Variants in WWOX observed in about 807,000 individuals in gnomAD.
The protein encoded by WWOX is WW domain containing oxidoreductase.
In WWOX, 69 loss-of-function variants were observed where a neutral mutation model predicts 46.2. That is an observed-to-expected ratio of 1.49 (90% CI 1.23 to 1.82). The LOEUF (loss-of-function observed/expected upper bound fraction) is 1.82, where lower values mean the gene tolerates loss of function less well. Ranked by LOEUF, WWOX falls within the 40% of genes most tolerant of loss-of-function variation. WWOX has a pLI of 0.00. For missense variants in WWOX, 919 were observed against 542.6 expected, an observed-to-expected ratio of 1.69 and a Z score of -6.89; for synonymous variants, 359 against 202.6, an observed-to-expected ratio of 1.77 and a Z score of -6.56.
chr16:79,085,030 A>G lies in WWOX; in HGVS notation c.1057-126578A>G, dbSNP rs144585793. Among the ~76,000 whole-genome samples, 235 of 151,880 alleles carry G rather than the reference A, an allele frequency of 1.5e-3. 1 individual carries two copies. The highest frequency in any genetic ancestry group is 2.4e-3 in the Non-Finnish European group (163 of 67,944). Reference sequence around the variant, plus strand: ...AGCCTTGAACTACTAGGCTTAAGCAATCCTCCCGCCTCAGCCTCCCAAAGT... The same window carrying G: ...AGCCTTGAACTACTAGGCTTAAGCAGTCCTCCCGCCTCAGCCTCCCAAAGT... On this transcript the variant is annotated intron_variant, in intron 8 of 8. Coordinates refer to ENST00000566780, the MANE Select transcript of WWOX (RefSeq NM_016373.4).
At chr16:78,653,741 G>A (rs1049876827) in intron 8 of WWOX, among the ~76,000 whole-genome samples, 7 of 152,176 alleles carry the variant, frequency 4.6e-5, no homozygotes, top group African/African-American at 1.7e-4. Flanking sequence ...CTCCTAACCC[G>A]AACCTCCACT....
chr16:78,105,333 G>C (rs2151661126), intron 1 of WWOX, among the ~76,000 whole-genome samples: 1 of 152,218 alleles, frequency 6.6e-6, no homozygotes, highest in South Asian at 2.1e-4. Context: ...ATGGTGGCAG[G>C]TGCCTGTAAT....
At chr16:78,609,992 C>G (rs778883754) in intron 8 of WWOX, among the ~76,000 whole-genome samples, 1 of 121,610 alleles carries the variant, frequency 8.2e-6, no homozygotes, top group Non-Finnish European at 1.6e-5. Flanking sequence ...GTAACAGTGA[C>G]GCAAACGACC....
At chr16:78,911,647 C>G (rs758579745) in intron 8 of WWOX, among the ~76,000 whole-genome samples, 14 of 151,998 alleles carry the variant, frequency 9.2e-5, no homozygotes, top group Admixed American at 7.9e-4. Flanking sequence ...AGGCAGATCA[C>G]TTGAAGTCAG....
intron 8 of WWOX, chr16:78,534,409 T>C (rs577333613): frequency 1.3e-5 from 2 of 152,336 alleles, no homozygotes; most frequent in African/African-American, 2.4e-5. Flanking sequence ...CTGAAAACCA[T>C]TGAGAGGCTC....
At chr16:78,682,659 G>C (rs2047757381) in intron 8 of WWOX, among the ~76,000 whole-genome samples, 1 of 152,160 alleles carries the variant, frequency 6.6e-6, no homozygotes. Context: ...CAGAAGGATT[G>C]CTTGAGAAGT....
intron 8 of WWOX, among the ~76,000 whole-genome samples, chr16:79,115,276 C>G (rs1015789865): frequency 1.3e-5 from 2 of 152,174 alleles, no homozygotes; most frequent in African/African-American, 4.8e-5. Context: ...ATGCATGTAG[C>G]CTGTCTCATA....
intron 5 of WWOX, among the ~76,000 whole-genome samples, chr16:78,282,247 C>A (rs922450564): frequency 6.6e-6 from 1 of 152,178 alleles, no homozygotes; most frequent in Non-Finnish European, 1.5e-5. Context: ...ACATTCTGGA[C>A]ACACAAATCT....
chr16:78,820,887 A>T (rs1180905520), intron 8 of WWOX, among the ~76,000 whole-genome samples: 1 of 152,020 alleles, frequency 6.6e-6, no homozygotes, highest in Non-Finnish European at 1.5e-5. Context: ...TGGCTTGGAA[A>T]CACCACATTC....
chr16:78,100,564 A>G (rs1033755342), intron 1 of WWOX, among the ~76,000 whole-genome samples: 12 of 152,204 alleles, frequency 7.9e-5, no homozygotes, highest in African/African-American at 2.9e-4. Context: ...AGTATTTTTT[A>G]GTAGCAGTCC....
intron 8 of WWOX, among the ~76,000 whole-genome samples, chr16:79,000,639 G>C (rs370123534): frequency 6.6e-6 from 1 of 152,152 alleles, no homozygotes; most frequent in Non-Finnish European, 1.5e-5. Context: ...TTCCAGAAAG[G>C]CACGAAGCCC....
intron 8 of WWOX, among the ~76,000 whole-genome samples, chr16:78,713,698 C>T (rs576483703): frequency 1.3e-5 from 2 of 152,274 alleles, no homozygotes; most frequent in African/African-American, 4.8e-5. Flanking sequence ...CAAGGGGCCT[C>T]CGGAGAAGCC....
chr16:78,843,051 A>G (rs1238786076), intron 8 of WWOX, among the ~76,000 whole-genome samples: 1 of 150,046 alleles, frequency 6.7e-6, no homozygotes, highest in East Asian at 2.0e-4. Flanking sequence ...CAAACATTGC[A>G]CTAATGTTTG....
intron 8 of WWOX, among the ~76,000 whole-genome samples, chr16:78,933,999 C>T (rs992020948): frequency 2.0e-5 from 3 of 151,610 alleles, no homozygotes; most frequent in African/African-American, 7.3e-5. Flanking sequence ...TGGGGCTAGC[C>T]GAGGCAACAC....
At chr16:78,600,925 G>T (rs1165011379) in intron 8 of WWOX, among the ~76,000 whole-genome samples, 1 of 152,164 alleles carries the variant, frequency 6.6e-6, no homozygotes, top group Non-Finnish European at 1.5e-5. Context: ...TCTCTGCAGG[G>T]CATCTGTAGC....
chr16:78,137,474 G>A (rs1020689323), intron 4 of WWOX, among the ~76,000 whole-genome samples: 3 of 152,136 alleles, frequency 2.0e-5, no homozygotes, highest in African/African-American at 2.4e-5. Context: ...GTGTCTGACC[G>A]CTTGTGTTAG....
chr16:78,506,243 TCTC>T (rs1162284331), intron 8 of WWOX, among the ~76,000 whole-genome samples: 1 of 152,152 alleles, frequency 6.6e-6, no homozygotes, highest in Non-Finnish European at 1.5e-5. Context: ...CAGGCTGTGT[TCTC>T]CTGGCCAAGA....
At chr16:79,095,619 G>C (rs561820062) in intron 8 of WWOX, among the ~76,000 whole-genome samples, 88 of 152,216 alleles carry the variant, frequency 5.8e-4, no homozygotes, top group African/African-American at 2.1e-3. Context: ...AGCGGAAGTC[G>C]ATCTTCTTGG....
At chr16:78,417,508 C>T (rs1257449507) in intron 6 of WWOX, among the ~76,000 whole-genome samples, 1 of 151,878 alleles carries the variant, frequency 6.6e-6, no homozygotes, top group Non-Finnish European at 1.5e-5. Context: ...ATAGTTAGTA[C>T]TCAAAAAAGG....
Sources: allele counts gnomAD v4.1 joint callset (sites outside exome capture counted in the v4.1 genomes callset), GRCh38; gene constraint gnomAD v4.1.1; transcripts MANE v1.5; gene names NCBI Gene and HGNC (gene_info 2026-07-23, HGNC 2026-07-21).